Variants in SLC29A3 observed in about 807,000 individuals in gnomAD.
SLC29A3 encodes the protein equilibrative nucleoside transporter 3.
A neutral mutation model predicts 25.4 loss-of-function variants in SLC29A3; 18 were observed. That is an observed-to-expected ratio of 0.71 (90% CI 0.49 to 1.05). The LOEUF (loss-of-function observed/expected upper bound fraction) is 1.05, where lower values mean the gene tolerates loss of function less well. SLC29A3 is among the 50% of genes least tolerant of loss of function. SLC29A3 has a pLI of 0.00. For missense variants in SLC29A3, 586 were observed against 609.0 expected (o/e 0.96, Z 0.40); for synonymous variants, 258 against 267.1 (o/e 0.97, Z 0.33).
At chr10:71,367,867 G>C (rs1313929615), downstream of SLC29A3, among the ~76,000 whole-genome samples, 1 of 152,226 alleles carries the variant, frequency 6.6e-6, no homozygotes, top group South Asian at 2.1e-4. Context: ...TTGGAATGCT[G>C]TTTCTGCCAC....
intron 3 of SLC29A3, chr10:71,375,647 A>G (rs779452946): frequency 3.9e-5 from 6 of 152,248 alleles, no homozygotes; most frequent in Non-Finnish European, 7.3e-5. Flanking sequence ...GCACTTTAAA[A>G]AAAATGCAGG....
chr10:71,328,263 C>T (rs6480510), intron 2 of SLC29A3, among the ~76,000 whole-genome samples: 60,436 of 151,956 alleles, frequency 0.4, 13,700 homozygotes, highest in African/African-American at 0.63. Context: ...AGGAGGTACC[C>T]CAACACTCAG....
intron 5 of SLC29A3, 23 bp downstream of exon 5, chr10:71,356,266 A>G (rs372710585): frequency 3.1e-6 from 5 of 1,611,104 alleles, no homozygotes; most frequent in African/African-American, 1.3e-5. Context: ...CTCACTGTCC[A>G]TGCCTCCTTC....
chr10:71,361,838 G>T, intron 5 of SLC29A3, 116 bp from the exon 6 acceptor site: 1 of 1,247,032 alleles, frequency 8.0e-7, no homozygotes, highest in Non-Finnish European at 1.1e-6. Context: ...GTGGGCATAC[G>T]GGGCTTGGGC....
intron 5 of SLC29A3, among the ~76,000 whole-genome samples, chr10:71,356,504 C>T (rs968020703): frequency 3.3e-5 from 5 of 152,158 alleles, no homozygotes; most frequent in East Asian, 1.9e-4. Context: ...TGTGTTCCTG[C>T]GAGCTTGATG....
At chr10:71,336,503 C>G (rs1470982901) in intron 2 of SLC29A3, among the ~76,000 whole-genome samples, 1 of 151,760 alleles carries the variant, frequency 6.6e-6, no homozygotes, top group Non-Finnish European at 1.5e-5. Flanking sequence ...GCAACATGGA[C>G]TACATTTTCA....
chr10:71,327,627 G>T (rs1314503992), intron 2 of SLC29A3, among the ~76,000 whole-genome samples: 1 of 152,136 alleles, frequency 6.6e-6, no homozygotes, highest in Non-Finnish European at 1.5e-5. Context: ...GGAATTTCAC[G>T]GGGCATTGAG....
At chr10:71,357,169 C>T (rs1846935756) in intron 5 of SLC29A3, among the ~76,000 whole-genome samples, 1 of 152,178 alleles carries the variant, frequency 6.6e-6, no homozygotes, top group South Asian at 2.1e-4. Context: ...AATCCCAGCA[C>T]TTTGGGAGGC....
chr10:71,375,580 A>G (rs1055508370), intron 3 of SLC29A3: 3 of 152,236 alleles, frequency 2.0e-5, no homozygotes, highest in Admixed American at 2.0e-4. Flanking sequence ...TAAAGTAATG[A>G]CATACAGATT....
intron 2 of SLC29A3, among the ~76,000 whole-genome samples, chr10:71,338,842 C>G (rs1846321180): frequency 6.6e-6 from 1 of 152,244 alleles, no homozygotes; most frequent in Non-Finnish European, 1.5e-5. Context: ...AAGAAAGACA[C>G]TGCCCTCCCT....
chr10:71,344,067 G>C, intron 2 of SLC29A3, 142 bp from the exon 3 acceptor site: 1 of 731,954 alleles, frequency 1.4e-6, no homozygotes, highest in South Asian at 1.4e-5. Flanking sequence ...GCCTTGTTTG[G>C]AGGTGGGCTC....
intron 5 of SLC29A3, among the ~76,000 whole-genome samples, chr10:71,357,567 T>C (rs1846948820): frequency 2.0e-5 from 3 of 152,284 alleles, no homozygotes; most frequent in South Asian, 2.1e-4. Context: ...GGTTAAATTA[T>C]TACTTGCCTG....
At chr10:71,327,220 C>A (rs1263166843) in intron 2 of SLC29A3, among the ~76,000 whole-genome samples, 1 of 152,222 alleles carries the variant, frequency 6.6e-6, no homozygotes, top group African/African-American at 2.4e-5. Flanking sequence ...ACCCTCTCCC[C>A]CAAATTATGT....
At chr10:71,369,972 A>G (rs1472996925) in intron 3 of SLC29A3, among the ~76,000 whole-genome samples, 1 of 152,210 alleles carries the variant, frequency 6.6e-6, no homozygotes, top group Non-Finnish European at 1.5e-5. Context: ...CATGCTGGGT[A>G]GACAGGGTAA....
intron 3 of SLC29A3, among the ~76,000 whole-genome samples, chr10:71,372,299 T>A (rs375870488): frequency 5.9e-5 from 9 of 152,238 alleles, no homozygotes; most frequent in South Asian, 2.1e-4. Flanking sequence ...AGGATTATTA[T>A]CCCCATTTTA....
rs527308761 is a variant in SLC29A3 at position 71,339,121 on chromosome 10, C to T, written c.301-5088C>T. Among the ~76,000 whole-genome samples, 10 of 152,378 alleles carry T rather than the reference C, an allele frequency of 6.6e-5. No individual in the cohort carries two copies. In the South Asian group the frequency reaches 1.7e-3, roughly 25 times the overall value. On this transcript the variant is annotated intron_variant, in intron 2 of 5. Coordinates refer to ENST00000373189, the MANE Select transcript of SLC29A3 (RefSeq NM_018344.6). ...ACCTCTGTGTACCTCTGGGAAATTC[C>T]TCTACCTCTGTGAGCCTCAGGCTGC...
At chr10:71,341,512 A>G (rs745509020) in intron 2 of SLC29A3, among the ~76,000 whole-genome samples, 20 of 152,314 alleles carry the variant, frequency 1.3e-4, no homozygotes, top group Admixed American at 3.9e-4. Flanking sequence ...AGAAAGGAAC[A>G]TGATCAACTG....
At chr10:71,353,952 C>G (rs1846829185) in intron 4 of SLC29A3, among the ~76,000 whole-genome samples, 1 of 152,098 alleles carries the variant, frequency 6.6e-6, no homozygotes, top group Non-Finnish European at 1.5e-5. Flanking sequence ...AATCAGTAGG[C>G]AGTGATGTTA....
chr10:71,381,101 C>G (rs958496322), exon 5 of SLC29A3: 3 of 152,166 alleles, frequency 2.0e-5, no homozygotes, highest in Non-Finnish European at 1.5e-5. Flanking sequence ...AATAAGGGCT[C>G]TTGTATAAAA....
Sources: gnomAD v4.1 joint callset for allele counts (sites outside exome capture counted in the v4.1 genomes callset) on GRCh38, gnomAD v4.1.1 for gene constraint, MANE v1.5 for transcripts, NCBI Gene and HGNC (gene_info 2026-07-23, HGNC 2026-07-21) for gene names.